Variants in POGLUT3 observed in about 807,000 individuals in gnomAD.
POGLUT3 encodes protein O-glucosyltransferase 3, also known as KDEL (Lys-Asp-Glu-Leu) containing 2.
POGLUT3 carries 48 observed loss-of-function variants against 54.3 expected under a neutral mutation model. The observed-to-expected ratio is 0.88, with a 90% CI of 0.70 to 1.12. POGLUT3 has a LOEUF of 1.12. POGLUT3 is among the 50% of genes most tolerant of loss of function. POGLUT3 has a pLI of 0.00. For missense variants in POGLUT3, 629 were observed against 618.7 expected (o/e 1.02, Z -0.18); for synonymous variants, 218 against 237.4 (o/e 0.92, Z 0.75).
chr11:108,481,962 C>CT (rs769740296), intron 4 of POGLUT3, 44 bp downstream of exon 4: 1 of 1,484,676 alleles, frequency 6.7e-7, no homozygotes, highest in South Asian at 1.2e-5. Flanking sequence ...CACTCTGTCT[C>CT]TAAGCTTTTT....
intron 1 of POGLUT3, among the ~76,000 whole-genome samples, chr11:108,492,035 C>T (rs1402668890): frequency 6.6e-6 from 1 of 152,022 alleles, no homozygotes; most frequent in Non-Finnish European, 1.5e-5. Context: ...CATTTCCTTA[C>T]GTAGAGAGAG....
chr11:108,489,034 C>T (rs548453041), intron 2 of POGLUT3, among the ~76,000 whole-genome samples: 3 of 152,132 alleles, frequency 2.0e-5, no homozygotes, highest in African/African-American at 7.2e-5. Flanking sequence ...AACTATTTCC[C>T]AGTGATTTAA....
chr11:108,485,778 C>T (rs1275033841), intron 3 of POGLUT3, among the ~76,000 whole-genome samples: 1 of 152,060 alleles, frequency 6.6e-6, no homozygotes, highest in African/African-American at 2.4e-5. Flanking sequence ...CTACCTCAGC[C>T]TCCTGAGTAG....
At chr11:108,493,555 GAGC>G (rs1484603826) in intron 1 of POGLUT3, among the ~76,000 whole-genome samples, 2 of 152,026 alleles carry the variant, frequency 1.3e-5, no homozygotes, top group Non-Finnish European at 2.9e-5. Context: ...CCTGTAATCC[GAGC>G]ACTTTGGTAG....
chr11:108,474,722 G>T lies in POGLUT3; in HGVS notation c.*105C>A. ...ATCTACATATATAAAGCCACCGGGAGAACTAGTCCACTTGGTGCAGTCTTC... is the reference window on the plus strand; with the variant it reads ...ATCTACATATATAAAGCCACCGGGATAACTAGTCCACTTGGTGCAGTCTTC... On this transcript the variant is annotated 3_prime_UTR_variant, in exon 8 of 8. Transcript: ENST00000323468. The T allele has an allele frequency of 1.5e-6, 2 of 1,333,756 alleles. No homozygotes were observed. The highest frequency in any genetic ancestry group is 2.1e-5 in the Admixed American group (1 of 48,398). The allele number at this position is 1,333,756 out of a possible 1,614,324, so 82.6% of individuals were successfully genotyped here.
chr11:108,486,214 C>T lies in POGLUT3; in HGVS notation c.627G>A (p.Gly209=). The T allele has an allele frequency of 6.2e-7, 1 of 1,613,798 alleles. No individual in the cohort carries two copies. Among genetic ancestry groups the T allele is most frequent in the Non-Finnish European group, 8.5e-7 (1 of 1,179,692 alleles). ...LNNHVYRRSL[G]KYTDFKMFSD... is the part of the protein sequence containing the mutation. ...AGAACATCTTGAAGTCTGTGTATTT[C>T]CCTAAAGATCTCCGGTAAACATGGT... is the stretch of plus-strand genomic sequence containing the variant. The change falls in exon 3 of 8, where the codon GGG becomes GGA. Residue 209 remains glycine (G), a synonymous_variant. Transcript: ENST00000323468.
chr11:108,479,585 G>T, intron 5 of POGLUT3, 90 bp from the exon 6 acceptor site: 6 of 857,810 alleles, frequency 7.0e-6, no homozygotes, highest in South Asian at 6.1e-5. Context: ...CAACTACAGA[G>T]GAATTATTTT....
rs2093626489 is a variant in POGLUT3 at position 108,498,345 on chromosome 11, G to C, written c.22C>G (p.Leu8Val). The C allele has an allele frequency of 3.0e-6, 4 of 1,334,252 alleles. No individual in the cohort carries two copies. The highest frequency in any genetic ancestry group is 3.8e-6 in the Non-Finnish European group (4 of 1,045,422). 82.7% of individuals were successfully genotyped at this position (1,334,252 alleles called of 1,614,324 possible). A position where few individuals can be genotyped will look rare whatever the true frequency, so the allele number is the denominator to read the frequency against. ...AGGGCGAGGCGCAGCTGCAGCAGCA[G>C]GGCCCGCGGGAGGCGGCGCATGGTC... The part of the protein sequence containing the change: MRRLPRA[L>V]LLQLRLALLV... The change falls in exon 1 of 8, where the codon CTG becomes GTG. Residue 8 changes from leucine (L) to valine (V), a missense_variant. Physicochemically the swap from Leu to Val is conservative, Grantham distance 32. Transcript: ENST00000323468.
At position 108,477,718 on chromosome 11, in the gene POGLUT3, G is replaced by A. The variant is rs1346526301; in HGVS notation, c.1294-7C>T. 6.3e-7 allele frequency: 1 copy of A among 1,579,554 alleles called. No individual in the cohort carries two copies. On this transcript the variant is annotated splice_polypyrimidine_tract_variant and splice_region_variant and intron_variant, in intron 6 of 7. Coordinates refer to ENST00000323468, the MANE Select transcript of POGLUT3 (RefSeq NM_153705.5). ...TGGCTTCTTCATCATTTTCCTGAAA[G>A]GTTAAAAAAAATAAAAATGAATGAA...
At chr11:108,478,884 C>T (rs1010669124) in intron 6 of POGLUT3, among the ~76,000 whole-genome samples, 33 of 152,126 alleles carry the variant, frequency 2.2e-4, no homozygotes, top group African/African-American at 7.5e-4. Context: ...GTGATGCTTG[C>T]GTTGTATAAC....
intron 6 of POGLUT3, chr11:108,478,238 T>C (rs554362171): frequency 1.3e-5 from 2 of 152,874 alleles, no homozygotes; most frequent in African/African-American, 4.8e-5. Context: ...TTCCTAGACA[T>C]CTCCGTTAAA....
chr11:108,484,244 A>G (rs1292410007), intron 3 of POGLUT3, among the ~76,000 whole-genome samples: 1 of 152,170 alleles, frequency 6.6e-6, no homozygotes, highest in South Asian at 2.1e-4. Flanking sequence ...TGAAGCCAGC[A>G]ACATGGATTA....
In POGLUT3 at chr11:108,491,172, A is replaced by C; in HGVS notation, c.203-5T>G. ...CGACTTTGAATGGTGTTTCACCTAA[A>C]AGGAAAAGAAATATAAACAACTCTA... On this transcript the variant is annotated splice_polypyrimidine_tract_variant and splice_region_variant and intron_variant, in intron 1 of 7. Coordinates refer to ENST00000323468, the MANE Select transcript of POGLUT3 (RefSeq NM_153705.5). 6.2e-7 allele frequency: 1 copy of C among 1,606,914 alleles called. No individual in the cohort carries two copies. Among genetic ancestry groups the C allele is most frequent in the Non-Finnish European group, 8.5e-7 (1 of 1,173,766 alleles).
At chr11:108,486,649 C>T (rs1412688698) in intron 2 of POGLUT3, 4 of 533,862 alleles carry the variant, frequency 7.5e-6, no homozygotes, top group African/African-American at 5.6e-5. Context: ...AGTATATGCC[C>T]TCTCCCAATC....
In POGLUT3 at chr11:108,482,170, T is replaced by C; in HGVS notation, c.737A>G (p.Glu246Gly). ...AGGGGTTCCATTGACTTTTCGATGC[T>C]CCAAGGGCCAATCTCCAAGATTAAC... ...FYVNLGDWPL[E>G]HRKVNGTPSP... Residue 246 changes from glutamate to glycine, a missense_variant, in exon 4 of 8, where the codon GAG (glutamate) becomes GGG (glycine). Glu to Gly is a moderately conservative substitution (Grantham distance 98). Coordinates refer to ENST00000323468, the MANE Select transcript of POGLUT3 (RefSeq NM_153705.5). 1 of 1,614,084 alleles carries C rather than the reference T, an allele frequency of 6.2e-7. No individual in the cohort carries two copies. The highest frequency in any genetic ancestry group is 8.5e-7 in the Non-Finnish European group (1 of 1,180,000).
At chr11:108,476,114 T>TC (rs2093581247) in intron 7 of POGLUT3, among the ~76,000 whole-genome samples, 1 of 151,966 alleles carries the variant, frequency 6.6e-6, no homozygotes, top group African/African-American at 2.4e-5. Context: ...GCCACTGCAC[T>TC]CCAGCCTAGG....
chr11:108,495,820 G>C (rs2093621332), intron 1 of POGLUT3, among the ~76,000 whole-genome samples: 1 of 152,030 alleles, frequency 6.6e-6, no homozygotes, highest in South Asian at 2.1e-4. Context: ...TTTAAGTAGA[G>C]ATGGAATCTT....
intron 1 of POGLUT3, among the ~76,000 whole-genome samples, chr11:108,492,929 G>T (rs77058484): frequency 6.6e-6 from 1 of 152,176 alleles, no homozygotes; most frequent in African/African-American, 2.4e-5. Flanking sequence ...ACAGCAGATC[G>T]AAATCTGAAG....
rs1321827814 is a variant in POGLUT3, at chr11:108,481,335, C to G, written c.943G>C (p.Gly315Arg). The change falls in exon 5 of 8, where the codon GGT (glycine) becomes CGT (arginine). Residue 315 changes from glycine to arginine, a missense_variant. Coordinates refer to ENST00000323468, the MANE Select transcript of POGLUT3 (RefSeq NM_153705.5). ...INKTERAFFR[G>R]RDSREERLQL... ...AGCCTCTCCTCTCGGCTGTCTCTACCTCTGAAGAAAGCTCTCTCTGTTTTA... is the reference window on the plus strand; with the variant it reads ...AGCCTCTCCTCTCGGCTGTCTCTACGTCTGAAGAAAGCTCTCTCTGTTTTA... 6.3e-7 allele frequency: 1 copy of G among 1,598,434 alleles called. No individual in the cohort carries two copies. Among genetic ancestry groups the G allele is most frequent in the Non-Finnish European group, 8.5e-7 (1 of 1,176,016 alleles).
Sources: allele counts gnomAD v4.1 joint callset (sites outside exome capture counted in the v4.1 genomes callset), GRCh38; gene constraint gnomAD v4.1.1; transcripts MANE v1.5; gene names NCBI Gene and HGNC (gene_info 2026-07-23, HGNC 2026-07-21).